NUDCD3: variants seen among roughly 807,000 people sequenced by gnomAD.
The protein encoded by NUDCD3 is NudC domain containing 3, also known as nudC domain-containing protein 3.
NUDCD3 carries 13 observed loss-of-function variants against 39.7 expected under a neutral mutation model. The observed-to-expected ratio is 0.33, with a 90% CI of 0.21 to 0.52. The LOEUF (loss-of-function observed/expected upper bound fraction) is 0.52, where lower values mean the gene tolerates loss of function less well. Ranked by LOEUF, NUDCD3 falls within the 20% of genes least tolerant of loss-of-function variation. The pLI is 0.96. For synonymous variants in NUDCD3, 175 were observed against 172.4 expected, an observed-to-expected ratio of 1.02 and a Z score of -0.12; for missense variants, 453 against 458.1, an observed-to-expected ratio of 0.99 and a Z score of 0.10.
intron 2 of NUDCD3, among the ~76,000 whole-genome samples, chr7:44,463,500 G>A (rs577611464): frequency 3.2e-4 from 48 of 152,258 alleles, no homozygotes; most frequent in African/African-American, 1.1e-3. Flanking sequence ...TTAATACACA[G>A]CTGAGTATCC....
intron 2 of NUDCD3, among the ~76,000 whole-genome samples, chr7:44,461,914 CCACAGTTGGGATGGA>C (rs1419528655): frequency 1.3e-5 from 2 of 152,162 alleles, no homozygotes; most frequent in African/African-American, 2.4e-5. Flanking sequence ...TAAAAGCTGT[CCACAGTTGGGATGGA>C]CACAGTTGGG....
chr7:44,404,884 A>G (rs898209564), intron 3 of NUDCD3, among the ~76,000 whole-genome samples: 13 of 152,134 alleles, frequency 8.5e-5, no homozygotes, highest in African/African-American at 3.1e-4. Context: ...GTTAACGGAG[A>G]CCAATTGTCA....
intron 3 of NUDCD3, among the ~76,000 whole-genome samples, chr7:44,412,709 T>C (rs1231341671): frequency 6.6e-6 from 1 of 151,240 alleles, no homozygotes; most frequent in Non-Finnish European, 1.5e-5. Context: ...AGGTGGATCA[T>C]GAGGTCAGGA....
chr7:44,390,537 T>A (rs893423755), intron 5 of NUDCD3, among the ~76,000 whole-genome samples: 16 of 152,314 alleles, frequency 1.1e-4, no homozygotes, highest in African/African-American at 3.8e-4. Flanking sequence ...CCCTCCATCC[T>A]GTGGCACAAA....
intron 2 of NUDCD3, among the ~76,000 whole-genome samples, chr7:44,454,049 A>AAT (rs1799844215): frequency 2.0e-5 from 3 of 151,792 alleles, no homozygotes; most frequent in Admixed American, 1.3e-4. Flanking sequence ...TTTCAAAAAA[A>AAT]ATAATAAAGG....
chr7:44,401,370 G>A (rs1798722876), intron 4 of NUDCD3, among the ~76,000 whole-genome samples: 1 of 152,164 alleles, frequency 6.6e-6, no homozygotes, highest in African/African-American at 2.4e-5. Context: ...ATATCAAGAA[G>A]ACAACAAACG....
At chr7:44,461,684 T>C (rs1161575530) in intron 2 of NUDCD3, among the ~76,000 whole-genome samples, 1 of 152,102 alleles carries the variant, frequency 6.6e-6, no homozygotes, top group Non-Finnish European at 1.5e-5. Context: ...ACATGCAGAA[T>C]GGCCACACCT....
chr7:44,472,644 C>T (rs576673327), intron 2 of NUDCD3, among the ~76,000 whole-genome samples: 5 of 152,262 alleles, frequency 3.3e-5, no homozygotes, highest in African/African-American at 1.2e-4. Context: ...AACAAAATAG[C>T]GTTGTGCTAA....
In NUDCD3 at chr7:44,454,773, T is replaced by A. The variant is rs547475217; in HGVS notation, c.510-27070A>T. Reference sequence around the variant, plus strand: ...GAGACCCTATCTCTACCAAAAAAAATTTTTTTTTAATTAGCCAGGCACACT... The same window carrying A: ...GAGACCCTATCTCTACCAAAAAAAAATTTTTTTTAATTAGCCAGGCACACT... On this transcript the variant is annotated intron_variant, in intron 2 of 5. Coordinates refer to ENST00000355451, the MANE Select transcript of NUDCD3 (RefSeq NM_015332.4). Among the ~76,000 whole-genome samples, 245 of 151,666 alleles carry A rather than the reference T, an allele frequency of 1.6e-3. 1 individual carries two copies. Among genetic ancestry groups the A allele is most frequent in the African/African-American group, 4.0e-3 (167 of 41,360 alleles).
At chr7:44,458,778 T>A (rs921722619) in intron 2 of NUDCD3, among the ~76,000 whole-genome samples, 1 of 152,214 alleles carries the variant, frequency 6.6e-6, no homozygotes, top group East Asian at 1.9e-4. Context: ...GAACTATATC[T>A]CAAGTTTTTA....
chr7:44,479,959 A>G (rs1238638741), intron 2 of NUDCD3, among the ~76,000 whole-genome samples: 2 of 152,240 alleles, frequency 1.3e-5, no homozygotes, highest in South Asian at 4.1e-4. Context: ...GTTTTGTTCA[A>G]GGAAAACAAG....
intron 3 of NUDCD3, among the ~76,000 whole-genome samples, chr7:44,408,370 C>A (rs528032395): frequency 6.6e-6 from 1 of 152,048 alleles, no homozygotes; most frequent in Non-Finnish European, 1.5e-5. Flanking sequence ...AGCTATACAG[C>A]AGAACAGGAA....
intron 3 of NUDCD3, among the ~76,000 whole-genome samples, chr7:44,415,026 A>T (rs564184515): frequency 1.3e-5 from 2 of 152,346 alleles, no homozygotes; most frequent in South Asian, 4.1e-4. Context: ...GACTCAAGGG[A>T]AACAGATTCA....
At chr7:44,482,154 T>G (rs934074762) in intron 2 of NUDCD3, among the ~76,000 whole-genome samples, 2 of 152,220 alleles carry the variant, frequency 1.3e-5, no homozygotes, top group African/African-American at 4.8e-5. Context: ...AGGCTGCGCA[T>G]AGAAAGAACT....
intron 2 of NUDCD3, among the ~76,000 whole-genome samples, chr7:44,449,852 T>TAAAAAAA (rs58410314): frequency 9.9e-6 from 1 of 100,842 alleles, no homozygotes; most frequent in Non-Finnish European, 2.1e-5. Flanking sequence ...ACATGATCCA[T>TAAAAAAA]AAAAAAAAAA....
At chr7:44,419,779 A>G (rs1799103584) in intron 3 of NUDCD3, among the ~76,000 whole-genome samples, 1 of 152,124 alleles carries the variant, frequency 6.6e-6, no homozygotes. Flanking sequence ...AAAACTAACA[A>G]ACAGAAAGCA....
chr7:44,393,025 G>A (rs1221067435), intron 4 of NUDCD3, among the ~76,000 whole-genome samples: 1 of 152,048 alleles, frequency 6.6e-6, no homozygotes, highest in Non-Finnish European at 1.5e-5. Context: ...ATGAGACTTA[G>A]GGCTCAGCCT....
chr7:44,404,694 G>A (rs1798784930), intron 3 of NUDCD3, 111 bp from the exon 4 acceptor site: 2 of 1,113,638 alleles, frequency 1.8e-6, no homozygotes, highest in Non-Finnish European at 2.5e-6. Context: ...CTACAGCGCT[G>A]TCATCAGGCT....
chr7:44,487,756 G>A (rs557100710), intron 1 of NUDCD3, among the ~76,000 whole-genome samples: 3 of 151,642 alleles, frequency 2.0e-5, no homozygotes, highest in South Asian at 2.1e-4. Flanking sequence ...TTCAAGACCA[G>A]CCTGGCCAAC....
Sources: allele counts gnomAD v4.1 joint callset (sites outside exome capture counted in the v4.1 genomes callset), GRCh38; gene constraint gnomAD v4.1.1; transcripts MANE v1.5; gene names NCBI Gene and HGNC (gene_info 2026-07-23, HGNC 2026-07-21).